The following KCNN3 variants were observed in gnomAD, a reference collection of about 807,000 sequenced individuals.
KCNN3 encodes potassium calcium-activated channel subfamily N member 3.
A neutral mutation model predicts 62.9 loss-of-function variants in KCNN3; 16 were observed. That is an observed-to-expected ratio of 0.25 (90% CI 0.17 to 0.39). KCNN3 has a LOEUF of 0.39. Ranked by LOEUF, KCNN3 falls within the 10% of genes least tolerant of loss-of-function variation. The pLI is 1.00. For synonymous variants in KCNN3, 370 were observed against 389.2 expected (o/e 0.95, Z 0.58); for missense variants, 599 against 949.4 (o/e 0.63, Z 4.85).
At position 154,749,673 on chromosome 1, in the gene KCNN3, C is replaced by CAG. The variant is rs141247764; in HGVS notation, c.1449-16531_1449-16530dup. ...GGTTGCAAAGTAGCCCCCAGGGAAT[C>CAG]AGAGAGAGAGGAAGATAGAGAAAGA... On this transcript the variant is annotated intron_variant, in intron 3 of 7. Transcript: ENST00000271915. Among the ~76,000 whole-genome samples the CAG allele has an allele frequency of 7.2e-3, 1,095 of 152,048 alleles. 13 individuals carry two copies. The highest frequency in any genetic ancestry group is 0.025 in the African/African-American group (1,028 of 41,436).
At chr1:154,748,015 C>T (rs1052404974) in intron 3 of KCNN3, among the ~76,000 whole-genome samples, 7 of 152,208 alleles carry the variant, frequency 4.6e-5, no homozygotes, top group Non-Finnish European at 8.8e-5. Flanking sequence ...TCACCACCGG[C>T]TCTTGGCCAT....
intron 3 of KCNN3, among the ~76,000 whole-genome samples, chr1:154,738,493 A>G (rs1700759721): frequency 1.3e-5 from 2 of 152,216 alleles, no homozygotes; most frequent in Non-Finnish European, 2.9e-5. Flanking sequence ...TCTCAGGAAG[A>G]CACAGGAGGT....
intron 1 of KCNN3, among the ~76,000 whole-genome samples, chr1:154,848,488 C>T (rs538821433): frequency 2.0e-5 from 3 of 152,158 alleles, no homozygotes; most frequent in African/African-American, 7.2e-5. Flanking sequence ...GCTCACATAC[C>T]TTCCACTGTT....
At chr1:154,813,181 C>T (rs959569698) in intron 2 of KCNN3, among the ~76,000 whole-genome samples, 1 of 151,516 alleles carries the variant, frequency 6.6e-6, no homozygotes, top group African/African-American at 2.4e-5. Context: ...GGGTGGGAGC[C>T]CCTTGGGCAG....
intron 3 of KCNN3, among the ~76,000 whole-genome samples, chr1:154,752,389 G>A (rs1284995128): frequency 7.0e-6 from 1 of 142,236 alleles, no homozygotes; most frequent in Non-Finnish European, 1.6e-5. Context: ...TTCAAGCACT[G>A]AGCAGATGAA....
At chr1:154,810,331 C>G (rs1571298901) in intron 2 of KCNN3, among the ~76,000 whole-genome samples, 1 of 152,152 alleles carries the variant, frequency 6.6e-6, no homozygotes, top group Non-Finnish European at 1.5e-5. Flanking sequence ...GGCCTGGGGA[C>G]TATCAGGGAC....
chr1:154,737,457 T>G (rs190017739), intron 3 of KCNN3, among the ~76,000 whole-genome samples: 48 of 152,294 alleles, frequency 3.2e-4, no homozygotes, highest in African/African-American at 1.1e-3. Flanking sequence ...GTTAGTCTCC[T>G]ACTTTTAAAA....
In KCNN3 at chr1:154,771,510, G is replaced by T. The variant is rs1215282594; in HGVS notation, c.1448+465C>A. Among the ~76,000 whole-genome samples, 3 of 152,214 alleles carry T rather than the reference G, an allele frequency of 2.0e-5. 1 individual carries two copies. The highest frequency in any genetic ancestry group is 2.0e-4 in the Admixed American group (3 of 15,290). On this transcript the variant is annotated intron_variant, in intron 3 of 7. Coordinates refer to ENST00000271915, the MANE Select transcript of KCNN3 (RefSeq NM_002249.6). ...GCTGCTGGTCTGTGAACCAAACTTT[G>T]AGTAGCAAGGTACCAATAGTGCTTT...
At chr1:154,758,505 T>TGTTACCAGGCG (rs1647843169) in intron 3 of KCNN3, among the ~76,000 whole-genome samples, 1 of 152,230 alleles carries the variant, frequency 6.6e-6, no homozygotes, top group Non-Finnish European at 1.5e-5. Context: ...GCAGGGGCTG[T>TGTTACCAGGCG]GTTACCAGGC....
intron 3 of KCNN3, among the ~76,000 whole-genome samples, chr1:154,736,820 T>C (rs992472165): frequency 2.6e-5 from 4 of 152,038 alleles, no homozygotes; most frequent in African/African-American, 7.2e-5. Context: ...ATTATGTTCT[T>C]GTGGGTTTCT....
At chr1:154,844,049 C>T (rs923682237) in intron 1 of KCNN3, among the ~76,000 whole-genome samples, 9 of 152,190 alleles carry the variant, frequency 5.9e-5, no homozygotes, top group Admixed American at 3.3e-4. Flanking sequence ...AACACACCCT[C>T]GGGACCAGCA....
chr1:154,851,276 CA>C (rs1052563652), intron 1 of KCNN3, among the ~76,000 whole-genome samples: 1 of 152,160 alleles, frequency 6.6e-6, no homozygotes, highest in Admixed American at 6.5e-5. Context: ...CGTGCCCGGC[CA>C]AATTTTTTTT....
chr1:154,780,325 T>G (rs562851316), intron 2 of KCNN3, among the ~76,000 whole-genome samples: 2 of 150,896 alleles, frequency 1.3e-5, no homozygotes, highest in Admixed American at 1.3e-4. Flanking sequence ...AATCTGTCAT[T>G]AAAATGTTCT....
At chr1:154,863,489 T>C (rs1171845747) in intron 1 of KCNN3, among the ~76,000 whole-genome samples, 3 of 152,156 alleles carry the variant, frequency 2.0e-5, no homozygotes, top group Non-Finnish European at 4.4e-5. Context: ...TTCATCAATA[T>C]ACAGCCGCCC....
At chr1:154,818,652 G>A (rs10752609) in intron 2 of KCNN3, among the ~76,000 whole-genome samples, 88,640 of 152,082 alleles carry the variant, frequency 0.58, 27,535 homozygotes, top group East Asian at 0.82. Flanking sequence ...ACGTAGCGCC[G>A]TCTTGGAAGC....
intron 2 of KCNN3, among the ~76,000 whole-genome samples, chr1:154,775,785 A>G (rs1307751454): frequency 6.6e-6 from 1 of 152,178 alleles, no homozygotes; most frequent in Non-Finnish European, 1.5e-5. Flanking sequence ...GCAATTAGAA[A>G]GCCCTAATGG....
chr1:154,804,697 A>C (rs1650097424), intron 2 of KCNN3, among the ~76,000 whole-genome samples: 2 of 152,204 alleles, frequency 1.3e-5, no homozygotes, highest in South Asian at 4.1e-4. Flanking sequence ...ATGAGCAAAT[A>C]CATAGTCCTA....
chr1:154,707,140 G>C lies in KCNN3; in HGVS notation c.*836C>G, dbSNP rs1256105288. The C allele has an allele frequency of 6.6e-6, 1 of 152,198 alleles. No homozygotes were observed. The highest frequency in any genetic ancestry group is 1.5e-5 in the Non-Finnish European group (1 of 68,040). The allele number at this position is 152,198 out of a possible 1,614,324, so 9.4% of individuals were successfully genotyped here. Reference sequence around the variant, plus strand: ...AAGCAATGTGCATTATGTCTGAAGGGATCCACATCTTCAGTGAAACTCAGA... The same window carrying C: ...AAGCAATGTGCATTATGTCTGAAGGCATCCACATCTTCAGTGAAACTCAGA... On this transcript the variant is annotated 3_prime_UTR_variant, in exon 8 of 8. Coordinates refer to ENST00000271915, the MANE Select transcript of KCNN3 (RefSeq NM_002249.6).
intron 1 of KCNN3, among the ~76,000 whole-genome samples, chr1:154,825,002 T>C (rs1343044817): frequency 2.6e-5 from 4 of 152,216 alleles, no homozygotes; most frequent in Non-Finnish European, 1.5e-5. Flanking sequence ...AACCAACCGC[T>C]TTTAATAGCT....
Sources: allele counts gnomAD v4.1 joint callset (sites outside exome capture counted in the v4.1 genomes callset), GRCh38; gene constraint gnomAD v4.1.1; transcripts MANE v1.5; gene names NCBI Gene and HGNC (gene_info 2026-07-23, HGNC 2026-07-21).